The following TNR variants were observed in gnomAD, a reference collection of about 807,000 sequenced individuals.
The protein encoded by TNR is tenascin R.
A neutral mutation model predicts 150.4 loss-of-function variants in TNR; 45 were observed. That is an observed-to-expected ratio of 0.30 (90% CI 0.24 to 0.38). The LOEUF is 0.38. Ranked by LOEUF, TNR falls within the 10% of genes least tolerant of loss-of-function variation. The pLI, the probability that TNR is intolerant of heterozygous loss-of-function variation, is 1.00. For synonymous variants in TNR, 687 were observed against 678.4 expected (o/e 1.01, Z -0.20); for missense variants, 1,544 against 1,759.1 (o/e 0.88, Z 2.19).
chr1:175,680,275 T>C (rs1054520316), intron 1 of TNR, among the ~76,000 whole-genome samples: 8 of 152,144 alleles, frequency 5.3e-5, no homozygotes, highest in Non-Finnish European at 1.0e-4. Context: ...ATGGTTCCCA[T>C]CTGCAGCTGA....
chr1:175,696,227 T>TG (rs1553254735), intron 1 of TNR, among the ~76,000 whole-genome samples: 1,116 of 74,016 alleles, frequency 0.015, 28 homozygotes, highest in African/African-American at 0.05. Context: ...GTTTTTTTTT[T>TG]TTTTTTTTTT....
At chr1:175,342,923 T>C (rs1238915335) in intron 18 of TNR, among the ~76,000 whole-genome samples, 1 of 149,452 alleles carries the variant, frequency 6.7e-6, no homozygotes, top group African/African-American at 2.5e-5. Flanking sequence ...AGACCCAATT[T>C]CATGGCAGAT....
chr1:175,328,403 C>T (rs936838713), intron 21 of TNR, among the ~76,000 whole-genome samples: 2 of 152,042 alleles, frequency 1.3e-5, no homozygotes, highest in African/African-American at 4.8e-5. Flanking sequence ...GATCGGAGGC[C>T]CTGGAGATGG....
intron 1 of TNR, among the ~76,000 whole-genome samples, chr1:175,650,690 T>C (rs2101888201): frequency 2.4e-5 from 1 of 41,632 alleles, no homozygotes; most frequent in African/African-American, 9.9e-5. Flanking sequence ...TATTACTACC[T>C]TTCCCTACCC....
chr1:175,535,744 A>G (rs1383532711), intron 1 of TNR, among the ~76,000 whole-genome samples: 2 of 152,148 alleles, frequency 1.3e-5, no homozygotes, highest in African/African-American at 4.8e-5. Flanking sequence ...AAATATTTTA[A>G]AATTTTAGAA....
chr1:175,696,004 G>A (rs1274147770), intron 1 of TNR, among the ~76,000 whole-genome samples: 2 of 152,012 alleles, frequency 1.3e-5, no homozygotes, highest in African/African-American at 4.8e-5. Context: ...ATGGATGGAT[G>A]GATGGATGGA....
At chr1:175,380,914 G>A (rs147115991) in intron 8 of TNR, among the ~76,000 whole-genome samples, 5 of 152,330 alleles carry the variant, frequency 3.3e-5, no homozygotes, top group South Asian at 4.1e-4. Flanking sequence ...GCAAAAGCAA[G>A]GCAAGTTTCC....
intron 18 of TNR, 52 bp downstream of exon 18, chr1:175,354,338 GC>G: frequency 6.3e-7 from 1 of 1,599,216 alleles, no homozygotes; most frequent in Non-Finnish European, 8.5e-7. Flanking sequence ...CTGCTGATGA[GC>G]CAAACATCAG....
chr1:175,725,000 A>T (rs1460543909), intron 1 of TNR, among the ~76,000 whole-genome samples: 1 of 152,146 alleles, frequency 6.6e-6, no homozygotes, highest in South Asian at 2.1e-4. Context: ...CTAGAGAGAG[A>T]AACAGGGACT....
chr1:175,413,718 T>A (rs1182638426), intron 2 of TNR, among the ~76,000 whole-genome samples: 1 of 152,186 alleles, frequency 6.6e-6, no homozygotes, highest in Non-Finnish European at 1.5e-5. Flanking sequence ...TGAATGTTTG[T>A]GTCCCTCCAA....
chr1:175,357,720 C>G (rs369257840), intron 15 of TNR, among the ~76,000 whole-genome samples: 2 of 152,158 alleles, frequency 1.3e-5, no homozygotes, highest in African/African-American at 4.8e-5. Context: ...TCATAGTAGC[C>G]CACTGGACAT....
At chr1:175,642,455 A>T (rs1046008342) in intron 1 of TNR, among the ~76,000 whole-genome samples, 6 of 152,170 alleles carry the variant, frequency 3.9e-5, no homozygotes, top group Non-Finnish European at 7.4e-5. Context: ...GGCTTTTTGT[A>T]AGCAATGAGG....
chr1:175,547,617 G>GAAAC (rs1331498745), intron 1 of TNR, among the ~76,000 whole-genome samples: 1 of 17,838 alleles, frequency 5.6e-5, no homozygotes, highest in African/African-American at 1.3e-4. Context: ...AAGAAACAAA[G>GAAAC]AAACAAAGAA....
chr1:175,536,519 C>T (rs1371621235), intron 1 of TNR, among the ~76,000 whole-genome samples: 2 of 152,218 alleles, frequency 1.3e-5, no homozygotes, highest in East Asian at 1.9e-4. Flanking sequence ...CACTGAACTT[C>T]CAAGTGGCAG....
At chr1:175,467,513 T>C (rs1557951909) in intron 2 of TNR, among the ~76,000 whole-genome samples, 1 of 152,188 alleles carries the variant, frequency 6.6e-6, no homozygotes, top group Non-Finnish European at 1.5e-5. Flanking sequence ...GAATGACCTT[T>C]CTAGCCGGGG....
At chr1:175,337,709 G>T (rs745560237) in intron 18 of TNR, 30 bp from the exon 19 acceptor site, 8 of 1,611,470 alleles carry the variant, frequency 5.0e-6, no homozygotes, top group South Asian at 1.1e-5. Context: ...TGTCCAGAAA[G>T]GATTCTTTCT....
intron 2 of TNR, among the ~76,000 whole-genome samples, chr1:175,483,554 G>T (rs1189318815): frequency 6.6e-6 from 1 of 152,192 alleles, no homozygotes; most frequent in African/African-American, 2.4e-5. Context: ...GTAAATACAA[G>T]CCAGAAGGAA....
At chr1:175,550,334 C>A (rs576369160) in intron 1 of TNR, among the ~76,000 whole-genome samples, 13 of 152,308 alleles carry the variant, frequency 8.5e-5, no homozygotes, top group African/African-American at 2.6e-4. Context: ...AACTTTCCAA[C>A]CCTCACCTCC....
At chr1:175,411,761 A>G (rs1295578182) in intron 2 of TNR, among the ~76,000 whole-genome samples, 1 of 151,976 alleles carries the variant, frequency 6.6e-6, no homozygotes, top group Non-Finnish European at 1.5e-5. Context: ...CATTACTTAT[A>G]TCTGCAATGA....
Sources: allele counts gnomAD v4.1 joint callset (sites outside exome capture counted in the v4.1 genomes callset), GRCh38; gene constraint gnomAD v4.1.1; transcripts MANE v1.5; gene names NCBI Gene and HGNC (gene_info 2026-07-23, HGNC 2026-07-21).